LIN54: variants seen among roughly 807,000 people sequenced by gnomAD.
LIN54 encodes the protein lin-54 DREAM MuvB core complex component.
In LIN54, 9 loss-of-function variants were observed where a neutral mutation model predicts 78.7. The ratio of observed to expected loss-of-function variants is 0.11; its 90% CI spans 0.07 to 0.20. The LOEUF (loss-of-function observed/expected upper bound fraction) is 0.20. Ranked by LOEUF, LIN54 falls within the 10% of genes least tolerant of loss-of-function variation. The pLI is 1.00. For missense variants in LIN54, 573 were observed against 889.9 expected, an observed-to-expected ratio of 0.64 and a Z score of 4.53; for synonymous variants, 269 against 318.4, an observed-to-expected ratio of 0.84 and a Z score of 1.65.
intron 4 of LIN54, among the ~76,000 whole-genome samples, chr4:82,958,361 T>A (rs1348775746): frequency 1.3e-5 from 2 of 152,208 alleles, no homozygotes; most frequent in Non-Finnish European, 2.9e-5. Context: ...AGGAGGGCCA[T>A]GCAACTGAGT....
At chr4:82,993,842 C>G (rs536060797) in intron 1 of LIN54, among the ~76,000 whole-genome samples, 1 of 152,140 alleles carries the variant, frequency 6.6e-6, no homozygotes, top group East Asian at 1.9e-4. Flanking sequence ...TCTTGAACTT[C>G]TGATCTCAAC....
intron 1 of LIN54, among the ~76,000 whole-genome samples, chr4:82,989,258 T>C (rs1265076970): frequency 6.6e-6 from 1 of 152,156 alleles, no homozygotes; most frequent in Non-Finnish European, 1.5e-5. Context: ...ACTGTGAAGT[T>C]ATCAGTCACT....
intron 4 of LIN54, among the ~76,000 whole-genome samples, chr4:82,954,565 G>A (rs780180690): frequency 6.6e-6 from 1 of 151,992 alleles, no homozygotes; most frequent in Non-Finnish European, 1.5e-5. Context: ...GTACAGGTGC[G>A]TACCACCATG....
intron 4 of LIN54, among the ~76,000 whole-genome samples, chr4:82,964,752 G>A (rs779072922): frequency 2.2e-4 from 34 of 152,202 alleles, no homozygotes; most frequent in Non-Finnish European, 4.0e-4. Context: ...AAAGGCCGGT[G>A]CAGTGGCTCA....
chr4:82,928,311 G>A lies in LIN54; in HGVS notation c.2049-8C>T, dbSNP rs1423518334. The A allele has an allele frequency of 1.2e-6, 2 of 1,609,194 alleles. No individual in the cohort carries two copies. Among genetic ancestry groups the A allele is most frequent in the Non-Finnish European group, 1.7e-6 (2 of 1,175,592 alleles). Reference sequence around the variant, plus strand: ...ACAAATGTAAATGGCAATCTGAAATGATTTTTGAAAGAGAAAGATGATGGT... The same window carrying A: ...ACAAATGTAAATGGCAATCTGAAATAATTTTTGAAAGAGAAAGATGATGGT... On this transcript the variant is annotated splice_polypyrimidine_tract_variant and splice_region_variant and intron_variant, in intron 12 of 12. Transcript: ENST00000340417.
chr4:82,947,225 A>ATTTTTTT (rs1304000304), intron 4 of LIN54, among the ~76,000 whole-genome samples: 3 of 21,620 alleles, frequency 1.4e-4, no homozygotes, highest in African/African-American at 4.5e-4. Context: ...ATATATATAT[A>ATTTTTTT]TATATATATA....
chr4:83,005,106 G>A (rs549332448), intron 1 of LIN54, among the ~76,000 whole-genome samples: 1 of 152,200 alleles, frequency 6.6e-6, no homozygotes, highest in South Asian at 2.1e-4. Flanking sequence ...ATGTTGGGCA[G>A]GCTGGTCTCC....
intron 11 of LIN54, among the ~76,000 whole-genome samples, chr4:82,933,502 G>C (rs1722140459): frequency 6.6e-6 from 1 of 152,116 alleles, no homozygotes; most frequent in Non-Finnish European, 1.5e-5. Context: ...ACATGAATGT[G>C]TTGTCCAGAT....
At chr4:82,996,248 G>A (rs970623103) in intron 1 of LIN54, among the ~76,000 whole-genome samples, 6 of 151,930 alleles carry the variant, frequency 3.9e-5, no homozygotes, top group South Asian at 2.1e-4. Flanking sequence ...CAACCTCATC[G>A]TCACTATGTT....
chr4:82,996,370 C>T (rs1349527944), intron 1 of LIN54, among the ~76,000 whole-genome samples: 5 of 152,092 alleles, frequency 3.3e-5, no homozygotes, highest in Non-Finnish European at 7.4e-5. Context: ...GAGAAAGAAT[C>T]CAGAACATAC....
intron 5 of LIN54, among the ~76,000 whole-genome samples, chr4:82,941,399 A>G (rs2126038979): frequency 6.6e-6 from 1 of 152,276 alleles, no homozygotes; most frequent in South Asian, 2.1e-4. Flanking sequence ...ATTAACGCAG[A>G]CAAATACAGG....
Position 82,939,900 on chromosome 4 carries a change from C to G in LIN54, c.1231G>C (p.Ala411Pro), listed in dbSNP as rs747490460. The change falls in exon 6 of 13, where the codon GCT becomes CCT. Residue 411 changes from alanine to proline, a missense_variant. Around this residue, in one of 6 missense-constraint regions of LIN54, gnomAD observed 199 missense variants for 260.9 expected, o/e 0.76. Coordinates refer to ENST00000340417, the MANE Select transcript of LIN54 (RefSeq NM_194282.4). ...RMSVPIVSAQ[A>P]VKQVVPKPIN... The stretch of plus-strand genomic sequence containing the variant: ...TATGTGATACTTACTTGTTTGACAG[C>G]CTGAGCTGAGACAATTGGAACTGAC... The G allele has an allele frequency of 6.2e-7, 1 of 1,612,024 alleles. No individual in the cohort carries two copies. The highest frequency in any genetic ancestry group is 8.5e-7 in the Non-Finnish European group (1 of 1,179,254).
chr4:82,988,672 T>C (rs996658121), intron 1 of LIN54, among the ~76,000 whole-genome samples: 2 of 152,232 alleles, frequency 1.3e-5, no homozygotes, highest in Non-Finnish European at 2.9e-5. Flanking sequence ...CAGCAATGTA[T>C]GAGAGTTCCA....
upstream of LIN54, chr4:83,012,678 C>T (rs1324728241): frequency 6.6e-6 from 1 of 152,024 alleles, no homozygotes. Flanking sequence ...CCGGCCCGGG[C>T]TCCCGGAGGG....
chr4:82,953,543 AT>A (rs1265240615), intron 4 of LIN54, among the ~76,000 whole-genome samples: 4 of 152,136 alleles, frequency 2.6e-5, no homozygotes, highest in Non-Finnish European at 5.9e-5. Context: ...TGGGAGGATC[AT>A]TTAAGGCCAG....
chr4:83,002,184 C>T (rs529594179), intron 1 of LIN54, among the ~76,000 whole-genome samples: 2 of 151,504 alleles, frequency 1.3e-5, no homozygotes, highest in African/African-American at 2.4e-5. Context: ...GACCCTTCTA[C>T]GATACACACA....
intron 12 of LIN54, among the ~76,000 whole-genome samples, chr4:82,930,604 G>A (rs979838889): frequency 2.0e-5 from 3 of 152,226 alleles, no homozygotes; most frequent in Non-Finnish European, 4.4e-5. Context: ...GAAAAGGCAA[G>A]AGAAGGTAGG....
intron 1 of LIN54, among the ~76,000 whole-genome samples, chr4:82,993,029 GAAAA>G (rs35355547): frequency 5.9e-5 from 6 of 101,128 alleles, no homozygotes; most frequent in Admixed American, 1.1e-4. Flanking sequence ...CTCTGTCTCA[GAAAA>G]AAAAAAAAAA....
At chr4:82,955,471 G>A (rs917029118) in intron 4 of LIN54, among the ~76,000 whole-genome samples, 12 of 151,236 alleles carry the variant, frequency 7.9e-5, no homozygotes, top group African/African-American at 2.9e-4. Flanking sequence ...AAAACACATG[G>A]TAAAAGGCAA....
Sources: gnomAD v4.1 joint callset for allele counts (sites outside exome capture counted in the v4.1 genomes callset) on GRCh38, gnomAD v4.1.1 for gene constraint, gnomAD v4.1.1 regional missense constraint, MANE v1.5 for transcripts, NCBI Gene and HGNC (gene_info 2026-07-23, HGNC 2026-07-21) for gene names.